METTL15: variants seen among roughly 807,000 people sequenced by gnomAD.
METTL15 encodes 12S rRNA N(4)-cytidine methyltransferase METTL15.
A neutral mutation model predicts 38.3 loss-of-function variants in METTL15; 34 were observed. The observed-to-expected ratio is 0.89, with a 90% CI of 0.68 to 1.18. The LOEUF is 1.18. METTL15 is among the 50% of genes most tolerant of loss of function. METTL15 has a pLI of 0.00. For missense variants in METTL15, 438 were observed against 498.4 expected, an observed-to-expected ratio of 0.88 and a Z score of 1.15; for synonymous variants, 162 against 170.9, an observed-to-expected ratio of 0.95 and a Z score of 0.41.
intron 5 of METTL15, among the ~76,000 whole-genome samples, chr11:28,379,640 C>G (rs1249340865): frequency 6.6e-6 from 1 of 152,092 alleles, no homozygotes; most frequent in Non-Finnish European, 1.5e-5. Flanking sequence ...GTGGTCTATT[C>G]TGGAGAATGT....
At chr11:28,320,581 T>C (rs997975748) in intron 6 of METTL15, among the ~76,000 whole-genome samples, 6 of 151,894 alleles carry the variant, frequency 4.0e-5, no homozygotes, top group African/African-American at 1.5e-4. Context: ...AAAAAATACC[T>C]GTGCAGAAAG....
At chr11:28,217,877 G>A (rs1022075332) in intron 4 of METTL15, among the ~76,000 whole-genome samples, 14 of 152,012 alleles carry the variant, frequency 9.2e-5, no homozygotes, top group Non-Finnish European at 1.5e-4. Context: ...GTAGATATGC[G>A]GCATTTTTTC....
chr11:28,238,881 T>A (rs2133900243), intron 4 of METTL15, among the ~76,000 whole-genome samples: 1 of 152,334 alleles, frequency 6.6e-6, no homozygotes, highest in South Asian at 2.1e-4. Context: ...GTTCTGATTT[T>A]TCTTAGATAA....
intron 6 of METTL15, among the ~76,000 whole-genome samples, chr11:28,467,289 G>A (rs1445439035): frequency 2.0e-5 from 3 of 152,184 alleles, no homozygotes; most frequent in African/African-American, 7.2e-5. Flanking sequence ...AAACATTTGA[G>A]AAAACGATTT....
chr11:28,244,443 G>GT (rs11300496), intron 4 of METTL15, among the ~76,000 whole-genome samples: 6 of 152,050 alleles, frequency 3.9e-5, no homozygotes, highest in South Asian at 2.1e-4. Context: ...ATAAGATTGG[G>GT]TTTTTTTGTT....
At chr11:28,310,920 G>C (rs7104284) in intron 6 of METTL15, among the ~76,000 whole-genome samples, 28,874 of 53,170 alleles carry the variant, frequency 0.54, 7,193 homozygotes, top group Non-Finnish European at 0.64. Flanking sequence ...GCTGCTGGTG[G>C]TGGTGGTGGT....
intron 3 of METTL15, among the ~76,000 whole-genome samples, chr11:28,149,099 G>A (rs1849988301): frequency 6.6e-6 from 1 of 151,738 alleles, no homozygotes; most frequent in South Asian, 2.1e-4. Flanking sequence ...TTTCTATTCT[G>A]CCATATAGTT....
chr11:28,316,393 T>C (rs991153068), intron 6 of METTL15, among the ~76,000 whole-genome samples: 15 of 152,238 alleles, frequency 9.9e-5, no homozygotes, highest in African/African-American at 3.6e-4. Flanking sequence ...TTGGAATTGC[T>C]GTATTTACCT....
chr11:28,149,320 A>G (rs1849997535), intron 3 of METTL15, among the ~76,000 whole-genome samples: 1 of 151,868 alleles, frequency 6.6e-6, no homozygotes, highest in African/African-American at 2.4e-5. Context: ...TATAATGACA[A>G]AAATACTGGA....
chr11:28,254,593 CT>C (rs1854894904), intron 4 of METTL15, among the ~76,000 whole-genome samples: 1 of 152,046 alleles, frequency 6.6e-6, no homozygotes, highest in African/African-American at 2.4e-5. Context: ...CAAATGTTTT[CT>C]TTTATTAGCT....
At chr11:28,281,303 G>T (rs552723548) in intron 4 of METTL15, among the ~76,000 whole-genome samples, 1 of 152,166 alleles carries the variant, frequency 6.6e-6, no homozygotes, top group South Asian at 2.1e-4. Context: ...AAATTCTGGG[G>T]CTATTTCCTG....
chr11:28,182,307 AT>A (rs1851320777), intron 3 of METTL15, among the ~76,000 whole-genome samples: 1 of 151,818 alleles, frequency 6.6e-6, no homozygotes, highest in Non-Finnish European at 1.5e-5. Flanking sequence ...TGCTTTTGGT[AT>A]TTTAGTCATG....
chr11:28,183,376 A>G (rs189710920), intron 3 of METTL15, among the ~76,000 whole-genome samples: 106 of 152,210 alleles, frequency 7.0e-4, no homozygotes, highest in African/African-American at 2.4e-3. Context: ...CCCATTCCAT[A>G]TGATACTGGC....
chr11:28,410,062 C>A (rs1049960525), intron 5 of METTL15, among the ~76,000 whole-genome samples: 9 of 151,992 alleles, frequency 5.9e-5, no homozygotes, highest in Admixed American at 3.9e-4. Flanking sequence ...AAGATTCAGT[C>A]AGGAAGAAAT....
intron 4 of METTL15, among the ~76,000 whole-genome samples, chr11:28,237,613 T>C (rs2133896515): frequency 6.6e-6 from 1 of 152,372 alleles, no homozygotes; most frequent in Non-Finnish European, 1.5e-5. Flanking sequence ...GTCAAAGTCA[T>C]TCTCCGTCCA....
At chr11:28,290,108 A>G (rs560721920) in intron 4 of METTL15, 98 bp from the exon 5 acceptor site, 8 of 983,652 alleles carry the variant, frequency 8.1e-6, no homozygotes, top group Middle Eastern at 6.8e-4. Flanking sequence ...CGGTTAAATC[A>G]TGTAATAATA....
intron 4 of METTL15, among the ~76,000 whole-genome samples, chr11:28,266,704 A>G (rs1855433306): frequency 6.6e-6 from 1 of 152,262 alleles, no homozygotes; most frequent in African/African-American, 2.4e-5. Flanking sequence ...CCCTTGTGCC[A>G]TCTACTTTCT....
At chr11:28,476,768 A>T (rs1851350288) in intron 6 of METTL15, among the ~76,000 whole-genome samples, 1 of 152,152 alleles carries the variant, frequency 6.6e-6, no homozygotes, top group Admixed American at 6.5e-5. Context: ...CTAACCAGTG[A>T]TCTATGGTGT....
intron 3 of METTL15, among the ~76,000 whole-genome samples, chr11:28,176,317 A>G (rs1321551909): frequency 6.6e-6 from 1 of 152,078 alleles, no homozygotes; most frequent in Admixed American, 6.6e-5. Context: ...AATTACAATC[A>G]TACTATTTGT....
Sources: allele counts gnomAD v4.1 joint callset (sites outside exome capture counted in the v4.1 genomes callset), GRCh38; gene constraint gnomAD v4.1.1; transcripts MANE v1.5; gene names NCBI Gene and HGNC (gene_info 2026-07-23, HGNC 2026-07-21).